Variants in SYCP1 observed in about 807,000 individuals in gnomAD.
The protein encoded by SYCP1 is cancer/testis antigen 8.
SYCP1 carries 64 observed loss-of-function variants against 153.1 expected under a neutral mutation model. The ratio of observed to expected loss-of-function variants is 0.42; its 90% CI spans 0.34 to 0.51. The LOEUF (loss-of-function observed/expected upper bound fraction) is 0.51, where lower values mean the gene tolerates loss of function less well. Among genes scored for constraint, SYCP1 ranks in the 20% least tolerant of loss-of-function variants. The pLI, the probability that SYCP1 is intolerant of heterozygous loss-of-function variation, is 0.06. For synonymous variants in SYCP1, 384 were observed against 341.8 expected (o/e 1.12, Z -1.36); for missense variants, 997 against 1,049.0 (o/e 0.95, Z 0.68).
intron 27 of SYCP1, among the ~76,000 whole-genome samples, chr1:114,968,159 G>C (rs946173250): frequency 3.9e-5 from 6 of 152,018 alleles, no homozygotes; most frequent in African/African-American, 1.5e-4. Flanking sequence ...ATGTGTCTTG[G>C]GGTTGTTCTT....
At chr1:114,876,037 T>G (rs1553186291) in intron 9 of SYCP1, 32 bp from the exon 10 acceptor site, 2 of 1,460,482 alleles carry the variant, frequency 1.4e-6, no homozygotes, top group Admixed American at 4.5e-5. Flanking sequence ...TTAAAAAAAT[T>G]TAAGTATGAT....
intron 27 of SYCP1, among the ~76,000 whole-genome samples, chr1:114,968,967 G>A (rs1052314821): frequency 6.6e-6 from 1 of 152,150 alleles, no homozygotes; most frequent in Non-Finnish European, 1.5e-5. Flanking sequence ...GTTTGCTGGG[G>A]GTGTACTCCA....
rs937442002 is a variant in SYCP1 at position 114,965,460 on chromosome 1, G to A, written c.2323-12097G>A. Among the ~76,000 whole-genome samples, 9 of 152,036 alleles carry A rather than the reference G, an allele frequency of 5.9e-5. No homozygotes were observed. The South Asian group carries it at 1.0e-3, about 18-fold the overall frequency. On this transcript the variant is annotated intron_variant, in intron 27 of 31. Transcript: ENST00000369522. ...TGGTTTTCAAAGGGAATACTTCCAG[G>A]TTTGGCCTATTCAGTATGATATTGG... is the stretch of plus-strand genomic sequence containing the variant.
At chr1:114,977,314 A>C (rs1341789279) in intron 27 of SYCP1, among the ~76,000 whole-genome samples, 5 of 151,810 alleles carry the variant, frequency 3.3e-5, no homozygotes, top group Admixed American at 3.3e-4. Flanking sequence ...GTTTTAAGAG[A>C]CTTATTCAAA....
At chr1:114,951,094 G>T (rs1164436618) in intron 27 of SYCP1, among the ~76,000 whole-genome samples, 1 of 152,158 alleles carries the variant, frequency 6.6e-6, no homozygotes, top group African/African-American at 2.4e-5. Flanking sequence ...AAAGTGCTGG[G>T]ATTACAGGCG....
intron 23 of SYCP1, among the ~76,000 whole-genome samples, chr1:114,935,941 A>G (rs759390483): frequency 1.4e-4 from 21 of 152,230 alleles, no homozygotes; most frequent in Non-Finnish European, 2.6e-4. Context: ...GTCCAGGACC[A>G]GACGGAGTCA....
chr1:114,872,906 G>C (rs1665251783), intron 8 of SYCP1, among the ~76,000 whole-genome samples: 1 of 152,026 alleles, frequency 6.6e-6, no homozygotes, highest in African/African-American at 2.4e-5. Context: ...CATCTTGCCT[G>C]AGCCTTCTGA....
chr1:114,947,619 C>T (rs527742998), intron 27 of SYCP1, among the ~76,000 whole-genome samples: 1 of 151,666 alleles, frequency 6.6e-6, no homozygotes, highest in South Asian at 2.1e-4. Flanking sequence ...CGAGACCATC[C>T]TGGCTAACAC....
At chr1:114,902,476 C>A (rs1667531972) in intron 16 of SYCP1, among the ~76,000 whole-genome samples, 1 of 142,588 alleles carries the variant, frequency 7.0e-6, no homozygotes, top group Admixed American at 6.7e-5. Context: ...GGACTCTCAG[C>A]AAAGAGAGAG....
chr1:114,883,575 C>T (rs954592127), intron 12 of SYCP1, among the ~76,000 whole-genome samples: 1 of 152,122 alleles, frequency 6.6e-6, no homozygotes, highest in African/African-American at 2.4e-5. Flanking sequence ...TAAATTTTGG[C>T]TTGGAGCTCT....
chr1:114,881,056 T>TATATATATATAC, intron 12 of SYCP1, among the ~76,000 whole-genome samples: 1 of 145,044 alleles, frequency 6.9e-6, no homozygotes, highest in African/African-American at 2.6e-5. Context: ...TTTGTGTATA[T>TATATATATATAC]ACACACACAC....
intron 27 of SYCP1, among the ~76,000 whole-genome samples, chr1:114,964,414 T>A (rs1671976377): frequency 6.6e-6 from 1 of 152,194 alleles, no homozygotes; most frequent in African/African-American, 2.4e-5. Context: ...TTTGTTGCAA[T>A]TGTTTTTGGT....
At chr1:114,963,372 G>A (rs1415474394) in intron 27 of SYCP1, among the ~76,000 whole-genome samples, 1 of 151,984 alleles carries the variant, frequency 6.6e-6, no homozygotes, top group Admixed American at 6.6e-5. Context: ...TTTTTTAAAA[G>A]TATTTTTTCT....
intron 28 of SYCP1, among the ~76,000 whole-genome samples, 166 bp from the exon 29 acceptor site, chr1:114,981,170 A>C (rs1673127713): frequency 6.6e-6 from 1 of 152,026 alleles, no homozygotes; most frequent in East Asian, 1.9e-4. Context: ...AAAGTGACAA[A>C]GAAGATAACT....
chr1:114,937,180 C>T (rs908068927), intron 23 of SYCP1, among the ~76,000 whole-genome samples: 5 of 152,176 alleles, frequency 3.3e-5, no homozygotes, highest in African/African-American at 1.2e-4. Flanking sequence ...CAGCATGGTA[C>T]TTGTACCAAA....
In SYCP1 at chr1:114,922,244, T is replaced by C. The variant is rs190226032; in HGVS notation, c.1719-1205T>C. Among the ~76,000 whole-genome samples the C allele has an allele frequency of 5.3e-5, 8 of 152,304 alleles. No individual in the cohort carries two copies. The East Asian group carries it at 1.4e-3, about 26-fold the overall frequency. On this transcript the variant is annotated intron_variant, in intron 20 of 31. Coordinates refer to ENST00000369522, the MANE Select transcript of SYCP1 (RefSeq NM_003176.4). Reference sequence around the variant, plus strand: ...TACCCTTATCTCTGTCTCTACCTCCTCTTTAAGGCCAATGACTCTTAGATT... The same window carrying C: ...TACCCTTATCTCTGTCTCTACCTCCCCTTTAAGGCCAATGACTCTTAGATT...
At chr1:114,953,453 A>G (rs1671237328) in intron 27 of SYCP1, among the ~76,000 whole-genome samples, 1 of 152,118 alleles carries the variant, frequency 6.6e-6, no homozygotes, top group Non-Finnish European at 1.5e-5. Context: ...TTTATTTTTT[A>G]TACTTACATC....
chr1:114,917,953 AT>A (rs986477724), intron 20 of SYCP1, among the ~76,000 whole-genome samples: 312 of 142,842 alleles, frequency 2.2e-3, no homozygotes, highest in Non-Finnish European at 3.6e-3. Context: ...CCCTTTGTTG[AT>A]TTTTTTTTTT....
intron 16 of SYCP1, among the ~76,000 whole-genome samples, chr1:114,899,251 A>C (rs971896106): frequency 2.8e-4 from 42 of 152,368 alleles, no homozygotes; most frequent in African/African-American, 8.2e-4. Flanking sequence ...ACATGCTCTA[A>C]ATTTTGTTCA....
Sources: allele counts gnomAD v4.1 joint callset (sites outside exome capture counted in the v4.1 genomes callset), GRCh38; gene constraint gnomAD v4.1.1; transcripts MANE v1.5; gene names NCBI Gene and HGNC (gene_info 2026-07-23, HGNC 2026-07-21).